Variants in ENTHD1 observed in about 807,000 individuals in gnomAD.
The protein encoded by ENTHD1 is ENTH domain containing 1.
A neutral mutation model predicts 39.1 loss-of-function variants in ENTHD1; 23 were observed. The ratio of observed to expected loss-of-function variants is 0.59; its 90% CI spans 0.42 to 0.83. ENTHD1 has a LOEUF of 0.83. ENTHD1 is among the 40% of genes least tolerant of loss of function. The probability of loss-of-function intolerance (pLI) is 0.00; values close to 1 mark genes in which losing one functional copy is unlikely to be tolerated. For synonymous variants in ENTHD1, 230 were observed against 258.2 expected (o/e 0.89, Z 1.05); for missense variants, 624 against 705.4 (o/e 0.88, Z 1.31).
At position 39,856,045 on chromosome 22, in the gene ENTHD1, C is replaced by A. The variant is rs542568344; in HGVS notation, c.592+5720G>T. On this transcript the variant is annotated intron_variant, in intron 3 of 6. Coordinates refer to ENST00000325157, the MANE Select transcript of ENTHD1 (RefSeq NM_152512.4). ...ATCCCAGCACTTTGGGAGGCTGAGG[C>A]GGGCAGATCACCTGAGGTCGGGAGT... Among the ~76,000 whole-genome samples the A allele has an allele frequency of 9.9e-5, 15 of 152,200 alleles. No homozygotes were observed. The Middle Eastern group carries it at 0.01, about 104-fold the overall frequency.
In ENTHD1 at chr22:39,744,158, G is replaced by A. The variant is rs112945971; in HGVS notation, c.1345C>T (p.Leu449=). Residue 449 remains leucine (L), a synonymous_variant, in exon 7 of 7, where the codon CTG becomes TTG. Coordinates refer to ENST00000325157, the MANE Select transcript of ENTHD1 (RefSeq NM_152512.4). ...PILAGPSFWT[L]SHQQLSSTSF... is the part of the protein sequence containing the mutation. ...GTAGAAGACAACTGTTGATGGGACA[G>A]AGTCCAGAAGGAAGGTCCGGCCAGA... 161 of 1,614,146 alleles carry A rather than the reference G, an allele frequency of 1.0e-4. 3 individuals are homozygous for A. In the African/African-American group the frequency reaches 1.4e-3, roughly 14 times the overall value.
intron 5 of ENTHD1, among the ~76,000 whole-genome samples, chr22:39,772,088 C>T (rs1347447030): frequency 6.6e-6 from 1 of 152,166 alleles, no homozygotes; most frequent in Non-Finnish European, 1.5e-5. Context: ...GCACCAGGGA[C>T]TGGTTTTGTG....
intron 5 of ENTHD1, among the ~76,000 whole-genome samples, chr22:39,782,574 T>C (rs1433857399): frequency 6.6e-6 from 1 of 152,076 alleles, no homozygotes; most frequent in Non-Finnish European, 1.5e-5. Flanking sequence ...AAAATACTAA[T>C]AAACCCAATT....
intron 3 of ENTHD1, among the ~76,000 whole-genome samples, chr22:39,856,709 TG>T (rs1222735610): frequency 6.6e-6 from 1 of 151,874 alleles, no homozygotes; most frequent in Non-Finnish European, 1.5e-5. Flanking sequence ...TCAAGTCAGC[TG>T]GGTGTGGCGG....
chr22:39,830,271 C>T (rs2065858749), intron 4 of ENTHD1, among the ~76,000 whole-genome samples: 1 of 152,094 alleles, frequency 6.6e-6, no homozygotes, highest in Non-Finnish European at 1.5e-5. Flanking sequence ...GATGGGGTTT[C>T]ACCATGTTGG....
chr22:39,781,592 C>T (rs192959925), intron 5 of ENTHD1, among the ~76,000 whole-genome samples: 1 of 152,110 alleles, frequency 6.6e-6, no homozygotes, highest in East Asian at 1.9e-4. Flanking sequence ...TAACAAGGCA[C>T]CTCAAGGAAC....
rs749745987 is a variant in ENTHD1, at chr22:39,743,920, G to A, written c.1583C>T (p.Ser528Phe). The A allele has an allele frequency of 6.2e-7, 1 of 1,614,144 alleles. No individual in the cohort carries two copies. Among genetic ancestry groups the A allele is most frequent in the East Asian group, 2.2e-5 (1 of 44,886 alleles). Residue 528 changes from serine (S) to phenylalanine (F), a missense_variant, in exon 7 of 7, where the codon TCC becomes TTC. Physicochemically the swap from Ser to Phe is radical, Grantham distance 155. Coordinates refer to ENST00000325157, the MANE Select transcript of ENTHD1 (RefSeq NM_152512.4). ...TTTGGTTGACTGAAAACCAGAACAG[G>A]ACAGAGGGATGAACTGGTCTACATT... ...TQNVDQFIPL[S>F]CSGFQSTKDF...
rs1013583771 is a variant in ENTHD1 at position 39,867,255 on chromosome 22, A to G, written c.350-5248T>C. Among the ~76,000 whole-genome samples, 8 of 152,226 alleles carry G rather than the reference A, an allele frequency of 5.3e-5. No individual in the cohort carries two copies. The highest frequency in any genetic ancestry group is 1.9e-4 in the African/African-American group (8 of 41,466). On this transcript the variant is annotated intron_variant, in intron 2 of 6. Transcript: ENST00000325157. The surrounding 1 kb of genome is among the most constrained non-coding windows in gnomAD (Gnocchi z 4.5). ...ACCATCGTGTAAAGAGATTGCAAATATGGTAAATTCAAAGATCTTTGGCAT... is the reference window on the plus strand; with the variant it reads ...ACCATCGTGTAAAGAGATTGCAAATGTGGTAAATTCAAAGATCTTTGGCAT...
At chr22:39,821,449 A>G (rs1032539176) in intron 4 of ENTHD1, among the ~76,000 whole-genome samples, 3 of 152,244 alleles carry the variant, frequency 2.0e-5, no homozygotes, top group African/African-American at 7.2e-5. Context: ...AGTCACCTGT[A>G]TATATCTTTT....
At chr22:39,766,435 T>C (rs1340371024) in intron 5 of ENTHD1, among the ~76,000 whole-genome samples, 1 of 152,174 alleles carries the variant, frequency 6.6e-6, no homozygotes, top group Non-Finnish European at 1.5e-5. Context: ...AGTTTCTAGA[T>C]GCAAATTCTT....
chr22:39,820,516 C>T (rs771322994), intron 5 of ENTHD1, among the ~76,000 whole-genome samples: 7 of 152,104 alleles, frequency 4.6e-5, no homozygotes, highest in Non-Finnish European at 8.8e-5. Flanking sequence ...CCAGAGTAGT[C>T]GCAGAGCCCA....
At chr22:39,788,513 A>C (rs553769179) in intron 5 of ENTHD1, among the ~76,000 whole-genome samples, 3 of 152,334 alleles carry the variant, frequency 2.0e-5, no homozygotes, top group African/African-American at 4.8e-5. Flanking sequence ...GTGGTTTAGG[A>C]GATGGAATCT....
intron 5 of ENTHD1, among the ~76,000 whole-genome samples, chr22:39,793,900 T>C (rs1282301676): frequency 1.3e-5 from 2 of 152,192 alleles, no homozygotes; most frequent in African/African-American, 2.4e-5. Context: ...GAAATGTCTC[T>C]CCTGGTTTGT....
chr22:39,778,650 C>T (rs988558623), intron 5 of ENTHD1, among the ~76,000 whole-genome samples: 3 of 152,150 alleles, frequency 2.0e-5, no homozygotes, highest in African/African-American at 4.8e-5. Context: ...TTTGGAAACA[C>T]CTTACTGAAT....
intron 6 of ENTHD1, among the ~76,000 whole-genome samples, chr22:39,762,187 C>T (rs1257606168): frequency 6.6e-6 from 1 of 152,032 alleles, no homozygotes; most frequent in Non-Finnish European, 1.5e-5. Flanking sequence ...TCGCTGGGGT[C>T]CCCCTATACG....
chr22:39,846,126 A>G (rs974616433), intron 3 of ENTHD1, among the ~76,000 whole-genome samples: 3 of 152,206 alleles, frequency 2.0e-5, no homozygotes, highest in African/African-American at 7.2e-5. Flanking sequence ...CACCACACAT[A>G]TAAAAATCAA....
chr22:39,847,966 T>C (rs1012749955), intron 3 of ENTHD1, among the ~76,000 whole-genome samples: 2 of 152,172 alleles, frequency 1.3e-5, no homozygotes, highest in African/African-American at 4.8e-5. Flanking sequence ...AGTCAAGGCG[T>C]TGGCCAAGCT....
At chr22:39,892,783 C>G (rs1339543620) in intron 1 of ENTHD1, among the ~76,000 whole-genome samples, 1 of 152,164 alleles carries the variant, frequency 6.6e-6, no homozygotes, top group Non-Finnish European at 1.5e-5. Flanking sequence ...ACAGGTTCTG[C>G]CTATAGACAT....
rs541496244 is a variant in ENTHD1 at position 39,802,553 on chromosome 22, C to T, written c.832+18440G>A. ...CAGAGAATTTCTTTATAGCTGGCTC[C>T]TACGCAGAAAGGCAGGGGAAGGTTC... On this transcript the variant is annotated intron_variant, in intron 5 of 6. Transcript: ENST00000325157. Among the ~76,000 whole-genome samples the T allele has an allele frequency of 9.9e-5, 15 of 152,272 alleles. No individual in the cohort carries two copies. In the South Asian group the frequency reaches 2.7e-3, roughly 27 times the overall value.
Sources: allele counts gnomAD v4.1 joint callset (sites outside exome capture counted in the v4.1 genomes callset), GRCh38; gene constraint gnomAD v4.1.1; non-coding constraint Gnocchi (gnomAD v3.1); transcripts MANE v1.5; gene names NCBI Gene and HGNC (gene_info 2026-07-23, HGNC 2026-07-21).